Variants in ANO7 observed in about 807,000 individuals in gnomAD.
ANO7 encodes the protein anoctamin 7, also known as anoctamin-7.
In ANO7, 114 loss-of-function variants were observed where a neutral mutation model predicts 115.8. The ratio of observed to expected loss-of-function variants is 0.98; its 90% CI spans 0.85 to 1.15. ANO7 has a LOEUF of 1.15. Among genes scored for constraint, ANO7 ranks in the 50% most tolerant of loss-of-function variants. The pLI, the probability that ANO7 is intolerant of heterozygous loss-of-function variation, is 0.00. For synonymous variants in ANO7, 550 were observed against 498.2 expected, an observed-to-expected ratio of 1.10 and a Z score of -1.38; for missense variants, 1,302 against 1,201.2, an observed-to-expected ratio of 1.08 and a Z score of -1.24.
chr2:241,235,162 G>T, the ANO7 span: 3 of 1,613,986 alleles, frequency 1.9e-6, no homozygotes, highest in Non-Finnish European at 2.5e-6. Context: ...ACACGCTCCA[G>T]CAGTCCAGCC....
At chr2:241,234,310 G>A in the ANO7 span, among the ~76,000 whole-genome samples, 3 of 152,312 alleles carry the variant, frequency 2.0e-5, no homozygotes, top group South Asian at 4.1e-4. Flanking sequence ...TGATGGATAC[G>A]CACAGAAATG....
rs776848924 is a variant in ANO7 at position 241,212,050 on chromosome 2, T to C, written c.1562-44T>C. On this transcript the variant is annotated intron_variant, in intron 15 of 24. Transcript: ENST00000674324. ...GGAGAGGGGGCCCCTAGTTGGATGCTGGTGACTCCCCCAGGGACTGAGCCC... is the reference window on the plus strand; with the variant it reads ...GGAGAGGGGGCCCCTAGTTGGATGCCGGTGACTCCCCCAGGGACTGAGCCC... The C allele has an allele frequency of 1.2e-5, 19 of 1,559,828 alleles. No homozygotes were observed. The South Asian group carries it at 2.1e-4, about 17-fold the overall frequency.
the ANO7 span, chr2:241,239,496 G>A: frequency 3.4e-6 from 3 of 887,520 alleles, no homozygotes; most frequent in Non-Finnish European, 5.4e-6. This position sits in a 1 kb window ranked among gnomAD's most constrained non-coding sequence, Gnocchi z 4.6. Context: ...TTCCAGGGCT[G>A]TATGAGGGAG....
chr2:241,217,098 G>T (rs1269379536), intron 19 of ANO7, among the ~76,000 whole-genome samples: 2 of 152,212 alleles, frequency 1.3e-5, no homozygotes, highest in Non-Finnish European at 2.9e-5. Context: ...CTCCCAAAGT[G>T]CTGGGGATTA....
the ANO7 span, among the ~76,000 whole-genome samples, chr2:241,237,223 A>AG: frequency 6.6e-6 from 1 of 152,134 alleles, no homozygotes; most frequent in Non-Finnish European, 1.5e-5. Context: ...GGCAGTGGGA[A>AG]GGGGGGTGAG....
At chr2:241,239,942 G>A in the ANO7 span, 2 of 1,614,040 alleles carry the variant, frequency 1.2e-6, no homozygotes, top group African/African-American at 1.3e-5. This position sits in a 1 kb window ranked among gnomAD's most constrained non-coding sequence, Gnocchi z 4.6. Flanking sequence ...TGTGCCTCTC[G>A]GACGGCGTCC....
chr2:241,200,203 T>C lies in ANO7; in HGVS notation c.532T>C (p.Phe178Leu), dbSNP rs781125201. The change falls in exon 6 of 25, where the codon TTC (phenylalanine) becomes CTC (leucine). Residue 178 changes from phenylalanine (F) to leucine (L), a missense_variant. By Grantham distance (22) the Phe-to-Leu change is conservative. Transcript: ENST00000674324. ...ACCCCCCGAGTACTACTCCTGCCGG[T>C]TCAGAGTGAACAAGCTGCCACGGTA... ...DVPPEYYSCR[F>L]RVNKLPRFLG... is the part of the protein sequence containing the mutation. 1.9e-5 allele frequency: 31 copies of C among 1,612,732 alleles called. No homozygotes were observed. The highest frequency in any genetic ancestry group is 1.3e-5 in the Non-Finnish European group (15 of 1,179,884).
rs1271932998 is a variant in ANO7, at chr2:241,209,279, C to A, written c.1078-6C>A. Reference sequence around the variant, plus strand: ...CAAGTCTGGACGCCCCCGCTCCCTGCCACAGGCCGGCCGGCTGTTCGACCA... The same window carrying A: ...CAAGTCTGGACGCCCCCGCTCCCTGACACAGGCCGGCCGGCTGTTCGACCA... On this transcript the variant is annotated splice_polypyrimidine_tract_variant and splice_region_variant and intron_variant, in intron 11 of 24. Transcript: ENST00000674324. 1 of 1,550,066 alleles carries A rather than the reference C, an allele frequency of 6.5e-7. No individual in the cohort carries two copies.
chr2:241,214,704 G>T, intron 17 of ANO7, 101 bp from the exon 18 acceptor site: 1 of 1,034,124 alleles, frequency 9.7e-7, no homozygotes, highest in Non-Finnish European at 1.4e-6. Context: ...TGTCAGGAGG[G>T]AGGTGGGGGC....
chr2:241,209,958 C>A (rs1202754883), intron 13 of ANO7, among the ~76,000 whole-genome samples: 5 of 152,160 alleles, frequency 3.3e-5, no homozygotes, highest in Admixed American at 3.3e-4. Context: ...TGCCTTCCAG[C>A]CAAAGGGGCT....
chr2:241,236,300 A>AG, the ANO7 span: 2 of 370,748 alleles, frequency 5.4e-6, no homozygotes, highest in Non-Finnish European at 4.9e-6. Context: ...TTGCAACTGG[A>AG]GGTCACATTC....
rs2068118261 is a variant in ANO7, at chr2:241,188,815, T to TG, written c.-8+51dup. ...GGGCCACAGGGAGAAGGTGGAGCGT[T>TG]GGACTCTAGGGAGGCAGGGCGGCAC... On this transcript the variant is annotated intron_variant, in intron 1 of 24. Transcript: ENST00000674324. The surrounding 1 kb of genome is among the most constrained non-coding windows in gnomAD (Gnocchi z 4.3). 6.3e-7 allele frequency: 1 copy of TG among 1,589,806 alleles called. No homozygotes were observed. Among genetic ancestry groups the TG allele is most frequent in the Non-Finnish European group, 8.6e-7 (1 of 1,165,728 alleles).
At chr2:241,230,334 T>G, downstream of ANO7, 2 of 1,004,076 alleles carry the variant, frequency 2.0e-6, no homozygotes, top group East Asian at 4.9e-5. The surrounding 1 kb of genome is among the most constrained non-coding windows in gnomAD (Gnocchi z 5.0). Context: ...AAATTATGTG[T>G]CAATTTCTAG....
chr2:241,232,242 A>G, the ANO7 span, among the ~76,000 whole-genome samples: 1 of 151,236 alleles, frequency 6.6e-6, no homozygotes, highest in East Asian at 2.0e-4. Context: ...CTCATGGTGT[A>G]TTAGATGGAA....
chr2:241,227,176 G>A (rs2069216626), downstream of ANO7: 1 of 152,362 alleles, frequency 6.6e-6, no homozygotes, highest in African/African-American at 2.4e-5. Flanking sequence ...GTTGAGAACT[G>A]CTGAGAAAAT....
In ANO7 at chr2:241,224,334, A is replaced by G. The variant is rs2069106606; in HGVS notation, c.*181A>G. On this transcript the variant is annotated 3_prime_UTR_variant, in exon 25 of 25. Transcript: ENST00000674324. ...GGCTTCTCTCCTCAGAGCGCCTGTC[A>G]CTCCATCCCCGGCAGGGAGGGACCG... The G allele has an allele frequency of 3.1e-6, 2 of 646,806 alleles. No homozygotes were observed. Among genetic ancestry groups the G allele is most frequent in the Admixed American group, 3.0e-5 (1 of 33,890 alleles). The allele number at this position is 646,806 out of a possible 1,614,324, so 40.1% of individuals were successfully genotyped here.
Position 241,200,151 on chromosome 2 carries a change from C to T in ANO7, c.480C>T (p.Asn160=), listed in dbSNP as rs771718133. 9.3e-6 allele frequency: 15 copies of T among 1,613,252 alleles called. No homozygotes were observed. In the South Asian group the frequency reaches 1.2e-4, roughly 13 times the overall value. The change falls in exon 6 of 25, where the codon AAC becomes AAT. Residue 160 remains asparagine (N), a synonymous_variant. Transcript: ENST00000674324. ...TGCTGGCATGGCTGGGCATCCCCAA[C>T]GTCCTGCTGGAGGTTGTGCCAGACG... The part of the protein sequence containing the change: ...AGLLAWLGIP[N]VLLEVVPDVP...
intron 3 of ANO7, among the ~76,000 whole-genome samples, chr2:241,193,557 C>T (rs982879325): frequency 6.6e-6 from 1 of 152,058 alleles, no homozygotes; most frequent in Admixed American, 6.6e-5. Flanking sequence ...CCCTTCATTC[C>T]AAGACAGCAC....
the ANO7 span, chr2:241,235,425 C>G: frequency 1.4e-6 from 2 of 1,465,632 alleles, no homozygotes; most frequent in Non-Finnish European, 1.9e-6. Context: ...AGAAAGGACA[C>G]TGGCACTCGG....
Sources: gnomAD v4.1 joint callset for allele counts (sites outside exome capture counted in the v4.1 genomes callset) on GRCh38, gnomAD v4.1.1 for gene constraint, Gnocchi (gnomAD v3.1) non-coding constraint, MANE v1.5 for transcripts, NCBI Gene and HGNC (gene_info 2026-07-23, HGNC 2026-07-21) for gene names.